The following RBFOX1 variants were observed in gnomAD, a reference collection of about 807,000 sequenced individuals.
RBFOX1 encodes RNA binding protein fox-1 homolog 1.
Under a neutral mutation model 57.7 loss-of-function variants are expected in RBFOX1, and 8 were observed. The ratio of observed to expected loss-of-function variants is 0.14; its 90% CI spans 0.08 to 0.25. The LOEUF is 0.25. Ranked by LOEUF, RBFOX1 falls within the 10% of genes least tolerant of loss-of-function variation. The pLI, the probability that RBFOX1 is intolerant of heterozygous loss-of-function variation, is 1.00. For synonymous variants in RBFOX1, 326 were observed against 222.4 expected (o/e 1.47, Z -4.15); for missense variants, 611 against 548.5 (o/e 1.11, Z -1.14).
At chr16:6,499,699 G>T (rs1206928549) in intron 2 of RBFOX1, among the ~76,000 whole-genome samples, 1 of 151,872 alleles carries the variant, frequency 6.6e-6, no homozygotes, top group African/African-American at 2.4e-5. Context: ...GTCCTATGTT[G>T]GCTGGTTTTC....
In RBFOX1 at chr16:6,210,352, A is replaced by C. The variant is rs1390754697; in HGVS notation, c.-126-106643A>C. Among the ~76,000 whole-genome samples the C allele has an allele frequency of 3.8e-4, 37 of 96,378 alleles. 4 individuals carry two copies. Among genetic ancestry groups the C allele is most frequent in the Admixed American group, 2.6e-3 (21 of 8,192 alleles). The allele number at this position is 96,378 out of a possible 152,430, so 63.2% of individuals were successfully genotyped here. ...AACAAAAAAACAAAAAAACAAAAAA[A>C]AAAAACACCAAAAAAAAAAAAAAAA... On this transcript the variant is annotated intron_variant, in intron 1 of 15. Coordinates refer to ENST00000550418, the MANE Select transcript of RBFOX1 (RefSeq NM_018723.4).
intron 4 of RBFOX1, among the ~76,000 whole-genome samples, chr16:7,496,182 C>T (rs2068580214): frequency 6.6e-6 from 1 of 152,160 alleles, no homozygotes; most frequent in African/African-American, 2.4e-5. Context: ...CTTGCTCTGT[C>T]TCCCAGGTTG....
intron 1 of RBFOX1, among the ~76,000 whole-genome samples, chr16:6,307,993 G>T (rs1286388995): frequency 1.3e-5 from 2 of 148,700 alleles, no homozygotes; most frequent in African/African-American, 2.5e-5. Context: ...ATTCGCTTAG[G>T]TTGTTATTTA....
At chr16:7,434,859 C>T (rs568767088) in intron 4 of RBFOX1, among the ~76,000 whole-genome samples, 1 of 152,110 alleles carries the variant, frequency 6.6e-6, no homozygotes, top group African/African-American at 2.4e-5. Flanking sequence ...CTAGCCTCAG[C>T]CTCCTGGGTA....
intron 1 of RBFOX1, among the ~76,000 whole-genome samples, chr16:6,311,202 A>G (rs1268224751): frequency 2.6e-5 from 4 of 151,154 alleles, no homozygotes; most frequent in Non-Finnish European, 5.9e-5. Flanking sequence ...TGGCTGAGGC[A>G]GAAGAATCTC....
chr16:6,216,775 T>C (rs557971445), intron 1 of RBFOX1, among the ~76,000 whole-genome samples: 6 of 152,352 alleles, frequency 3.9e-5, no homozygotes, highest in African/African-American at 1.4e-4. Flanking sequence ...AAAAAGCAAA[T>C]TCTTTTATTT....
At chr16:7,054,119 T>C (rs1237351614) in intron 4 of RBFOX1, among the ~76,000 whole-genome samples, 4 of 145,102 alleles carry the variant, frequency 2.8e-5, no homozygotes, top group African/African-American at 1.0e-4. Flanking sequence ...CTTCTTCCTT[T>C]CCTCCCTCCC....
intron 2 of RBFOX1, among the ~76,000 whole-genome samples, chr16:5,574,340 G>T (rs1462939710): frequency 2.0e-5 from 3 of 151,978 alleles, no homozygotes; most frequent in African/African-American, 7.3e-5. Context: ...CTCTGTATAG[G>T]TTACTGATTC....
chr16:7,136,720 T>C (rs78416055), intron 4 of RBFOX1, among the ~76,000 whole-genome samples: 5,250 of 152,168 alleles, frequency 0.035, 309 homozygotes, highest in African/African-American at 0.12. Context: ...CCTGGCCCCA[T>C]CTAGGGAAAA....
chr16:7,031,336 C>G (rs887280108), intron 3 of RBFOX1, among the ~76,000 whole-genome samples: 28 of 152,248 alleles, frequency 1.8e-4, no homozygotes, highest in Admixed American at 1.7e-3. Flanking sequence ...TGGCTCATAC[C>G]TGTAATCTCA....
intron 2 of RBFOX1, among the ~76,000 whole-genome samples, chr16:6,611,872 C>A (rs1475872240): frequency 2.0e-5 from 3 of 152,100 alleles, no homozygotes; most frequent in African/African-American, 4.8e-5. Flanking sequence ...TGGCACGTGA[C>A]CCTGGTTTCT....
At chr16:7,223,655 T>G (rs1464891930) in intron 4 of RBFOX1, among the ~76,000 whole-genome samples, 2 of 151,714 alleles carry the variant, frequency 1.3e-5, no homozygotes, top group African/African-American at 4.8e-5. Flanking sequence ...GTGTCTTATG[T>G]TTCAGAACTA....
chr16:6,195,279 T>C (rs890636266), intron 1 of RBFOX1, among the ~76,000 whole-genome samples: 1 of 152,228 alleles, frequency 6.6e-6, no homozygotes, highest in African/African-American at 2.4e-5. Context: ...GCCAGTCTTA[T>C]TATAGCATTT....
At chr16:6,881,999 A>T (rs1227808787) in intron 3 of RBFOX1, among the ~76,000 whole-genome samples, 7 of 152,144 alleles carry the variant, frequency 4.6e-5, no homozygotes, top group Admixed American at 2.6e-4. Flanking sequence ...AATTTTTTTA[A>T]AAAAACTAAA....
intron 1 of RBFOX1, among the ~76,000 whole-genome samples, chr16:5,395,885 C>G (rs936326599): frequency 2.0e-5 from 3 of 152,210 alleles, no homozygotes; most frequent in African/African-American, 4.8e-5. Context: ...CAGAAAGAAA[C>G]TGAAGCCGTT....
At chr16:7,218,757 C>G (rs542906097) in intron 4 of RBFOX1, among the ~76,000 whole-genome samples, 5 of 149,718 alleles carry the variant, frequency 3.3e-5, no homozygotes, top group African/African-American at 1.2e-4. Context: ...TAGTTTTCAG[C>G]AGAGATTGCC....
intron 2 of RBFOX1, among the ~76,000 whole-genome samples, chr16:6,366,731 A>G (rs988326451): frequency 3.9e-5 from 6 of 152,226 alleles, no homozygotes; most frequent in African/African-American, 9.6e-5. Context: ...AGAGGAGGCA[A>G]CTGAGTCACA....
intron 3 of RBFOX1, among the ~76,000 whole-genome samples, chr16:6,791,768 G>A (rs1434579806): frequency 6.6e-6 from 1 of 151,976 alleles, no homozygotes; most frequent in Non-Finnish European, 1.5e-5. Context: ...CTCAAAAAAA[G>A]CATCAAACCA....
chr16:5,438,877 A>G (rs1026783050), intron 1 of RBFOX1, among the ~76,000 whole-genome samples: 2 of 152,076 alleles, frequency 1.3e-5, no homozygotes, highest in African/African-American at 2.4e-5. Context: ...GGTGATCAGG[A>G]TAATAAGGGA....
Sources: allele counts gnomAD v4.1 joint callset (sites outside exome capture counted in the v4.1 genomes callset), GRCh38; gene constraint gnomAD v4.1.1; transcripts MANE v1.5; gene names NCBI Gene and HGNC (gene_info 2026-07-23, HGNC 2026-07-21).